SEMA7A: variants seen among roughly 807,000 people sequenced by gnomAD.
SEMA7A encodes the protein semaphorin-7A.
A neutral mutation model predicts 67.5 loss-of-function variants in SEMA7A; 21 were observed. The ratio of observed to expected loss-of-function variants is 0.31; its 90% CI spans 0.22 to 0.45. The LOEUF (loss-of-function observed/expected upper bound fraction) is 0.45, where lower values mean the gene tolerates loss of function less well. Ranked by LOEUF, SEMA7A falls within the 20% of genes least tolerant of loss-of-function variation. The pLI is 1.00. For missense variants in SEMA7A, 774 were observed against 908.6 expected (o/e 0.85, Z 1.90); for synonymous variants, 364 against 368.5 (o/e 0.99, Z 0.14).
At position 74,411,948 on chromosome 15, in the gene SEMA7A, G is replaced by A. The variant is rs747964489; in HGVS notation, c.1359C>T (p.Ile453=). 1 of 1,614,076 alleles carries A rather than the reference G, an allele frequency of 6.2e-7. No homozygotes were observed. The highest frequency in any genetic ancestry group is 8.5e-7 in the Non-Finnish European group (1 of 1,180,046). The change falls in exon 11 of 14, where the codon ATC becomes ATT. Residue 453 remains isoleucine (I), a synonymous_variant. Coordinates refer to ENST00000261918, the MANE Select transcript of SEMA7A (RefSeq NM_003612.5). This position sits in a 1 kb window ranked among gnomAD's most constrained non-coding sequence, Gnocchi z 4.4. ...CGCGGCGGAAGGGCTGGATCTCCATGATGTTGAAGGCGAAGCTGTGCTCCT... is the reference window on the plus strand; with the variant it reads ...CGCGGCGGAAGGGCTGGATCTCCATAATGTTGAAGGCGAAGCTGTGCTCCT... ...GEQEHSFAFN[I]MEIQPFRRAA...
At chr15:74,427,908 C>T (rs1000370738) in intron 1 of SEMA7A, among the ~76,000 whole-genome samples, 2 of 152,238 alleles carry the variant, frequency 1.3e-5, no homozygotes, top group Non-Finnish European at 2.9e-5. Context: ...TCCTGCCTCT[C>T]CCCCAGAGGA....
Position 74,417,356 on chromosome 15 carries a change from T to C in SEMA7A, c.640A>G (p.Thr214Ala). 3 of 1,613,864 alleles carry C rather than the reference T, an allele frequency of 1.9e-6. No homozygotes were observed. Among genetic ancestry groups the C allele is most frequent in the Non-Finnish European group, 1.7e-6 (2 of 1,179,914 alleles). ...TCACTCTGCATGACAGTATCACTGGTGTACAGCTCACTCTCGCCCCGGATG... is the reference window on the plus strand; with the variant it reads ...TCACTCTGCATGACAGTATCACTGGCGTACAGCTCACTCTCGCCCCGGATG... ...RRIRGESELY[T>A]SDTVMQNPQF... The change falls in exon 6 of 14, where the codon ACC becomes GCC. Residue 214 changes from threonine (T) to alanine (A), a missense_variant. Thr to Ala is a moderately conservative substitution (Grantham distance 58). Around this residue, in one of 2 missense-constraint regions of SEMA7A, gnomAD observed 347 missense variants for 353.2 expected, o/e 0.98. Transcript: ENST00000261918.
intron 1 of SEMA7A, among the ~76,000 whole-genome samples, chr15:74,430,921 G>A (rs914049184): frequency 6.6e-6 from 1 of 152,182 alleles, no homozygotes; most frequent in Non-Finnish European, 1.5e-5. Flanking sequence ...TTGTTTCACT[G>A]GACAAAAGCG....
intron 10 of SEMA7A, among the ~76,000 whole-genome samples, chr15:74,413,824 C>T (rs952541978): frequency 1.3e-5 from 2 of 152,168 alleles, no homozygotes; most frequent in East Asian, 1.9e-4. Context: ...TGAGGTTGGG[C>T]GCCTGGGCCT....
chr15:74,420,317 C>T (rs979923307), intron 1 of SEMA7A, among the ~76,000 whole-genome samples: 15 of 152,212 alleles, frequency 9.9e-5, no homozygotes, highest in African/African-American at 2.7e-4. Flanking sequence ...TGTGGCCTGG[C>T]GCACTGTGCA....
rs772598290 is a variant in SEMA7A at position 74,418,953 on chromosome 15, C to T, written c.179-1G>A. The T allele has an allele frequency of 1.9e-6, 3 of 1,612,688 alleles. No homozygotes were observed. The highest frequency in any genetic ancestry group is 1.7e-5 in the Admixed American group (1 of 59,928). ...TCCACCCGGTCCTGCCCTACATGGC[C>T]TGAGGAGGAGACAATTAGTAGAAAC... On this transcript the variant is annotated splice_acceptor_variant, in intron 1 of 13. Coordinates refer to ENST00000261918, the MANE Select transcript of SEMA7A (RefSeq NM_003612.5). LOFTEE classifies it high-confidence loss of function.
At chr15:74,424,848 G>T (rs1473780994) in intron 1 of SEMA7A, among the ~76,000 whole-genome samples, 3 of 152,212 alleles carry the variant, frequency 2.0e-5, no homozygotes, top group Non-Finnish European at 4.4e-5. Context: ...AGCCCAGCAG[G>T]TTCCAAAAGC....
intron 1 of SEMA7A, among the ~76,000 whole-genome samples, chr15:74,431,533 GA>G (rs1260707226): frequency 6.6e-6 from 1 of 152,212 alleles, no homozygotes; most frequent in African/African-American, 2.4e-5. Context: ...GCCTCATAGA[GA>G]AATGGCTCCA....
At chr15:74,416,318 AACACAC>A (rs371685466) in intron 7 of SEMA7A, among the ~76,000 whole-genome samples, 22 of 148,124 alleles carry the variant, frequency 1.5e-4, no homozygotes, top group Non-Finnish European at 2.3e-4. Context: ...ACACAGGCAA[AACACAC>A]ACACACACAC....
chr15:74,416,471 A>ACATC, intron 7 of SEMA7A, 104 bp downstream of exon 7: 1 of 1,241,246 alleles, frequency 8.1e-7, no homozygotes. Flanking sequence ...ACCCACTCAT[A>ACATC]CATCCACACA....
chr15:74,429,372 T>A (rs1031321438), intron 1 of SEMA7A, among the ~76,000 whole-genome samples: 3 of 152,196 alleles, frequency 2.0e-5, no homozygotes, highest in Admixed American at 6.5e-5. Context: ...CTTTCCCTGC[T>A]TCCCCCAGGG....
At chr15:74,430,472 A>G (rs2061079090) in intron 1 of SEMA7A, among the ~76,000 whole-genome samples, 1 of 152,190 alleles carries the variant, frequency 6.6e-6, no homozygotes. Flanking sequence ...GCCCAGTCAC[A>G]GAGCAAATTA....
At position 74,423,610 on chromosome 15, in the gene SEMA7A, G is replaced by T. The variant is rs1249884157; in HGVS notation, c.179-4658C>A. On this transcript the variant is annotated intron_variant, in intron 1 of 13. Coordinates refer to ENST00000261918, the MANE Select transcript of SEMA7A (RefSeq NM_003612.5). The surrounding 1 kb of genome is among the most constrained non-coding windows in gnomAD (Gnocchi z 4.1). The stretch of plus-strand genomic sequence containing the variant: ...TTCCCTCTCTTGCTCACTAGGTGCC[G>T]AGTCACTAACCTGATAACTAAAGGG... Among the ~76,000 whole-genome samples the T allele has an allele frequency of 6.6e-6, 1 of 152,126 alleles. No individual in the cohort carries two copies. The highest frequency in any genetic ancestry group is 1.5e-5 in the Non-Finnish European group (1 of 68,024).
chr15:74,425,206 CT>C (rs2061033932), intron 1 of SEMA7A, among the ~76,000 whole-genome samples: 2 of 152,236 alleles, frequency 1.3e-5, no homozygotes, highest in South Asian at 2.1e-4. Context: ...GATGATGCCC[CT>C]ACCACCCAAC....
chr15:74,430,706 A>G (rs1044018930), intron 1 of SEMA7A, among the ~76,000 whole-genome samples: 1 of 152,162 alleles, frequency 6.6e-6, no homozygotes, highest in South Asian at 2.1e-4. Context: ...CCCCCCCACC[A>G]TGAGACTCTG....
intron 1 of SEMA7A, among the ~76,000 whole-genome samples, chr15:74,425,561 T>C (rs8023274): frequency 0.19 from 28,463 of 152,182 alleles, 5,220 homozygotes; most frequent in African/African-American, 0.48. Flanking sequence ...GCTACTTGGC[T>C]AATGAAGTCC....
At position 74,433,758 on chromosome 15, in the gene SEMA7A, A is replaced by T; in HGVS notation, c.161T>A (p.Ile54Asn). The T allele has an allele frequency of 6.9e-7, 1 of 1,445,488 alleles. No individual in the cohort carries two copies. Among genetic ancestry groups the T allele is most frequent in the Non-Finnish European group, 9.1e-7 (1 of 1,104,942 alleles). The allele number at this position is 1,445,488 out of a possible 1,614,324, so 89.5% of individuals were successfully genotyped here. ...CCGCCTACCTTTCCAGACGGCGAAG[A>T]TGCGGGGTCCGCTCCTTAGGTGGCC... is the stretch of plus-strand genomic sequence containing the variant. ...AQGHLRSGPRIFAVWKGHVGQ... is the reference protein window; with the variant it reads ...AQGHLRSGPRNFAVWKGHVGQ... The change falls in exon 1 of 14, where the codon ATC (isoleucine) becomes AAC (asparagine). Residue 54 changes from isoleucine to asparagine, a missense_variant. This residue lies in a region of SEMA7A where 347 missense variants were observed against 353.2 expected (regional missense o/e 0.98). Coordinates refer to ENST00000261918, the MANE Select transcript of SEMA7A (RefSeq NM_003612.5).
At position 74,409,645 on chromosome 15, in the gene SEMA7A, G is replaced by GT. The variant is rs1472998523; in HGVS notation, c.*978dup. On this transcript the variant is annotated 3_prime_UTR_variant, in exon 14 of 14. Coordinates refer to ENST00000261918, the MANE Select transcript of SEMA7A (RefSeq NM_003612.5). ...CCCAACCCTCAACGCCAAGGGCAGA[G>GT]TCCTGGAACCTCCCCCTGAGGACCC... 2 of 146,250 alleles carry GT rather than the reference G, an allele frequency of 1.4e-5. No individual in the cohort carries two copies. Among genetic ancestry groups the GT allele is most frequent in the East Asian group, 4.1e-4 (2 of 4,892 alleles). 9.1% of individuals were successfully genotyped at this position (146,250 alleles called of 1,614,324 possible). A position where few individuals can be genotyped will look rare whatever the true frequency, so the allele number is the denominator to read the frequency against.
intron 1 of SEMA7A, among the ~76,000 whole-genome samples, chr15:74,427,520 G>A (rs760151215): frequency 5.9e-5 from 9 of 152,096 alleles, no homozygotes; most frequent in East Asian, 3.9e-4. Context: ...TAGTAAAGAC[G>A]GGGTTTCACC....
Sources: gnomAD v4.1 joint callset for allele counts (sites outside exome capture counted in the v4.1 genomes callset) on GRCh38, gnomAD v4.1.1 for gene constraint, gnomAD v4.1.1 regional missense constraint, Gnocchi (gnomAD v3.1) non-coding constraint, MANE v1.5 for transcripts, NCBI Gene and HGNC (gene_info 2026-07-23, HGNC 2026-07-21) for gene names.